CLEC12A: variants seen among roughly 807,000 people sequenced by gnomAD.
CLEC12A encodes C-type lectin domain family 12 member A, also known as C-type lectin protein CLL-1.
Under a neutral mutation model 26.5 loss-of-function variants are expected in CLEC12A, and 22 were observed. That is an observed-to-expected ratio of 0.83 (90% CI 0.59 to 1.19). The LOEUF is 1.19. CLEC12A is among the 50% of genes most tolerant of loss of function. The pLI, the probability that CLEC12A is intolerant of heterozygous loss-of-function variation, is 0.00. For synonymous variants in CLEC12A, 119 were observed against 101.9 expected, an observed-to-expected ratio of 1.17 and a Z score of -1.01; for missense variants, 353 against 315.6, an observed-to-expected ratio of 1.12 and a Z score of -0.90.
intron 1 of CLEC12A, among the ~76,000 whole-genome samples, chr12:9,966,381 G>T (rs1445504827): frequency 7.1e-6 from 1 of 140,974 alleles, no homozygotes; most frequent in Non-Finnish European, 1.5e-5. Context: ...GAGAGCCTTG[G>T]GGCAGAGTTC....
the CLEC12A span, among the ~76,000 whole-genome samples, chr12:10,003,518 T>G: frequency 6.6e-6 from 1 of 152,122 alleles, no homozygotes; most frequent in Non-Finnish European, 1.5e-5. Flanking sequence ...GAAGAAAATG[T>G]AAATATTGAC....
intron 1 of CLEC12A, among the ~76,000 whole-genome samples, chr12:9,956,740 G>T (rs1234865407): frequency 6.6e-6 from 1 of 152,216 alleles, no homozygotes; most frequent in Non-Finnish European, 1.5e-5. Context: ...GTCCTACTGT[G>T]ATTTGCCTTT....
At chr12:9,996,179 C>T (rs1052521557), downstream of CLEC12A, among the ~76,000 whole-genome samples, 2 of 152,098 alleles carry the variant, frequency 1.3e-5, no homozygotes, top group African/African-American at 2.4e-5. Context: ...TTTCTTAAAG[C>T]TTGAGCCACC....
chr12:9,998,962 T>C (rs1245019379), downstream of CLEC12A: 12 of 847,084 alleles, frequency 1.4e-5, no homozygotes, highest in East Asian at 2.4e-5. Context: ...ATATTATCAA[T>C]AGTAGAAAAA....
At chr12:9,986,863 T>C (rs1864779526), downstream of CLEC12A, among the ~76,000 whole-genome samples, 1 of 152,178 alleles carries the variant, frequency 6.6e-6, no homozygotes. Flanking sequence ...ATTGGCCATA[T>C]AGGCTTCTTT....
chr12:9,952,593 C>A lies in CLEC12A; in HGVS notation c.10+1237C>A, dbSNP rs1022082317. ...CGAGATTGCAGCCTCTGCCCGGCCG[C>A]CACCCCGTCTGGGAAGTGAGGAGTG... On this transcript the variant is annotated intron_variant, in intron 1 of 6. Transcript: ENST00000355690. 3.6e-5 allele frequency: 6 copies of A among 168,624 alleles called. No homozygotes were observed. The South Asian group carries it at 3.6e-4, about 10-fold the overall frequency. The allele number at this position is 168,624 out of a possible 1,614,324, so 10.4% of individuals were successfully genotyped here. A position where few individuals can be genotyped will look rare whatever the true frequency, so the allele number is the denominator to read the frequency against.
At chr12:9,973,697 T>C (rs1173030704) in intron 1 of CLEC12A, among the ~76,000 whole-genome samples, 2 of 152,176 alleles carry the variant, frequency 1.3e-5, no homozygotes, top group East Asian at 1.9e-4. Context: ...GATACTCTGC[T>C]TTCCTTCCAG....
At chr12:10,001,699 G>A in the CLEC12A span, among the ~76,000 whole-genome samples, 1 of 152,172 alleles carries the variant, frequency 6.6e-6, no homozygotes, top group African/African-American at 2.4e-5. Context: ...AAGAGAGATA[G>A]ATATCACAAA....
intron 1 of CLEC12A, among the ~76,000 whole-genome samples, chr12:9,954,282 C>A (rs991362294): frequency 6.6e-6 from 1 of 150,612 alleles, no homozygotes; most frequent in Admixed American, 6.6e-5. Flanking sequence ...GATACTTGAG[C>A]CCAGGAGTTC....
chr12:10,003,865 A>T, the CLEC12A span, among the ~76,000 whole-genome samples: 1 of 152,190 alleles, frequency 6.6e-6, no homozygotes, highest in Non-Finnish European at 1.5e-5. Context: ...GCAATGAGCC[A>T]AAATTGTGCC....
intron 1 of CLEC12A, among the ~76,000 whole-genome samples, chr12:9,957,179 G>A (rs1193909992): frequency 6.6e-6 from 1 of 152,116 alleles, no homozygotes; most frequent in African/African-American, 2.4e-5. Context: ...AGATATTGGG[G>A]AAAGAGGAAG....
chr12:9,970,246 A>C (rs557187152), upstream of CLEC12A, among the ~76,000 whole-genome samples: 3 of 152,034 alleles, frequency 2.0e-5, no homozygotes, highest in South Asian at 6.2e-4. Context: ...ATAGTTTTAA[A>C]ATTTTTTTGT....
intron 4 of CLEC12A, among the ~76,000 whole-genome samples, chr12:9,994,212 A>C (rs1179806207): frequency 5.9e-5 from 9 of 152,114 alleles, no homozygotes; most frequent in African/African-American, 2.2e-4. Flanking sequence ...AGAAAATAGC[A>C]AGACAAAAGC....
intron 5 of CLEC12A, among the ~76,000 whole-genome samples, chr12:9,984,661 G>A (rs1366523214): frequency 6.6e-6 from 1 of 152,094 alleles, no homozygotes; most frequent in African/African-American, 2.4e-5. Flanking sequence ...GAAAAAGCAG[G>A]GAGAAATGAA....
At chr12:9,951,557 C>G (rs1863609809) in intron 1 of CLEC12A, 2 of 565,860 alleles carry the variant, frequency 3.5e-6, no homozygotes, top group Middle Eastern at 4.1e-4. Context: ...TGGGTCCAGA[C>G]AGCAGGATCT....
At chr12:9,993,125 C>A in intron 4 of CLEC12A, 2 of 1,602,734 alleles carry the variant, frequency 1.2e-6, no homozygotes, top group South Asian at 1.1e-5. Context: ...TCTGTGTTAT[C>A]CTGTCCACCT....
At chr12:9,999,304 G>A (rs1268441092), downstream of CLEC12A, 4 of 412,746 alleles carry the variant, frequency 9.7e-6, no homozygotes, top group Non-Finnish European at 1.7e-5. Flanking sequence ...CATGGACCTT[G>A]AACACAAAAA....
chr12:9,954,958 A>G (rs914831301), intron 1 of CLEC12A, among the ~76,000 whole-genome samples: 4 of 152,260 alleles, frequency 2.6e-5, no homozygotes, highest in Non-Finnish European at 5.9e-5. Flanking sequence ...TTATAAGACT[A>G]TAAACCCAGC....
At position 9,985,061 on chromosome 12, in the gene CLEC12A, GT is replaced by G; in HGVS notation, c.*36del. The G allele has an allele frequency of 1.4e-6, 2 of 1,406,428 alleles. No homozygotes were observed. The highest frequency in any genetic ancestry group is 1.8e-6 in the Non-Finnish European group (2 of 1,081,208). 87.1% of individuals were successfully genotyped at this position (1,406,428 alleles called of 1,614,324 possible). ...CAAATACATTTAAGGAGTGTAGGGGGTGGGGGTTCTAGGCTATAGGTAAATT... is the reference window on the plus strand; with the variant it reads ...CAAATACATTTAAGGAGTGTAGGGGGGGGGGTTCTAGGCTATAGGTAAATT... On this transcript the variant is annotated 3_prime_UTR_variant, in exon 6 of 6. Transcript: ENST00000304361.
Sources: gnomAD v4.1 joint callset for allele counts (sites outside exome capture counted in the v4.1 genomes callset) on GRCh38, gnomAD v4.1.1 for gene constraint, MANE v1.5 for transcripts, NCBI Gene and HGNC (gene_info 2026-07-23, HGNC 2026-07-21) for gene names.